Variants in SV2C observed in about 807,000 individuals in gnomAD.
The protein encoded by SV2C is solute carrier family 22 member B3.
SV2C carries 49 observed loss-of-function variants against 79.7 expected under a neutral mutation model. The ratio of observed to expected loss-of-function variants is 0.61; its 90% confidence interval spans 0.49 to 0.78. The LOEUF (loss-of-function observed/expected upper bound fraction) is 0.78, where lower values mean the gene tolerates loss of function less well. SV2C is among the 30% of genes least tolerant of loss of function. The pLI, the probability that SV2C is intolerant of heterozygous loss-of-function variation, is 0.00. For missense variants in SV2C, 833 were observed against 912.9 expected (o/e 0.91, Z 1.13); for synonymous variants, 334 against 333.2 (o/e 1.00, Z -0.03).
intron 2 of SV2C, among the ~76,000 whole-genome samples, chr5:76,176,819 TA>T (rs1178474029): frequency 6.6e-6 from 1 of 152,098 alleles, no homozygotes; most frequent in Non-Finnish European, 1.5e-5. Flanking sequence ...TGATTTTCTT[TA>T]AAACTGAAAG....
At chr5:75,935,042 T>C in the SV2C span, among the ~76,000 whole-genome samples, 2 of 152,182 alleles carry the variant, frequency 1.3e-5, no homozygotes, top group Admixed American at 1.3e-4. Flanking sequence ...GAAATGTTGC[T>C]ATTTTTAAAA....
chr5:76,234,982 A>G (rs1315439868), intron 4 of SV2C, among the ~76,000 whole-genome samples: 1 of 152,216 alleles, frequency 6.6e-6, no homozygotes. Context: ...ATCAGTTTAG[A>G]TGGAAGAACT....
the SV2C span, among the ~76,000 whole-genome samples, chr5:75,871,842 C>T: frequency 3.5e-5 from 4 of 113,494 alleles, no homozygotes; most frequent in African/African-American, 1.2e-4. Context: ...TATACACACA[C>T]ACACACACAC....
chr5:76,131,700 AGGAGGCTGTG>A lies in SV2C; in HGVS notation c.-50_-41del. The A allele has an allele frequency of 2.0e-6, 3 of 1,511,640 alleles. No individual in the cohort carries two copies. Among genetic ancestry groups the A allele is most frequent in the East Asian group, 2.3e-5 (1 of 43,962 alleles). The allele number at this position is 1,511,640 out of a possible 1,614,324, so 93.6% of individuals were successfully genotyped here. On this transcript the variant is annotated 5_prime_UTR_variant, in exon 2 of 13. Coordinates refer to ENST00000502798, the MANE Select transcript of SV2C (RefSeq NM_014979.4). ...ATGCTGTCAGAGCTGAACCACTGAA[AGGAGGCTGTG>A]AAAATTTCCCATCTTCTCATTGGCC...
At chr5:76,207,711 T>C (rs1454069805) in intron 3 of SV2C, among the ~76,000 whole-genome samples, 1 of 152,150 alleles carries the variant, frequency 6.6e-6, no homozygotes, top group Non-Finnish European at 1.5e-5. Flanking sequence ...TAAGGCTCAC[T>C]ACAGCCTCAA....
chr5:75,949,247 C>T, the SV2C span, among the ~76,000 whole-genome samples: 3 of 151,962 alleles, frequency 2.0e-5, no homozygotes, highest in African/African-American at 7.2e-5. Flanking sequence ...GAACTGTGAG[C>T]CAATTAAACC....
At chr5:76,113,305 C>G (rs1257524675) in intron 1 of SV2C, among the ~76,000 whole-genome samples, 1 of 152,196 alleles carries the variant, frequency 6.6e-6, no homozygotes, top group Non-Finnish European at 1.5e-5. Context: ...TGGGTGGCCC[C>G]AGTAAACGGA....
chr5:76,156,276 G>T (rs1055913211), intron 2 of SV2C, among the ~76,000 whole-genome samples: 8 of 152,154 alleles, frequency 5.3e-5, no homozygotes, highest in African/African-American at 1.9e-4. Context: ...TATTAGGGTA[G>T]CTGTGGACAT....
chr5:75,967,845 T>G, the SV2C span, among the ~76,000 whole-genome samples: 4 of 152,196 alleles, frequency 2.6e-5, no homozygotes, highest in African/African-American at 9.7e-5. Flanking sequence ...GCACGCAGCT[T>G]GAGATCTGAG....
At chr5:76,199,701 C>T (rs1744376835) in intron 3 of SV2C, among the ~76,000 whole-genome samples, 1 of 152,212 alleles carries the variant, frequency 6.6e-6, no homozygotes, top group Non-Finnish European at 1.5e-5. Flanking sequence ...GTCTGACTTG[C>T]AGCCATCTGT....
chr5:75,911,993 G>C, the SV2C span: 1 of 316,662 alleles, frequency 3.2e-6, no homozygotes, highest in East Asian at 8.0e-5. Context: ...AGGAATGCTG[G>C]TGCTCTCTAA....
At chr5:75,950,019 A>C in the SV2C span, among the ~76,000 whole-genome samples, 18,910 of 151,950 alleles carry the variant, frequency 0.12, 3,311 homozygotes, top group African/African-American at 0.4. Context: ...ATTAACTGAG[A>C]TGGGGAGAAC....
chr5:76,144,013 G>GC (rs145643518), intron 2 of SV2C, among the ~76,000 whole-genome samples: 64,778 of 151,910 alleles, frequency 0.43, 15,796 homozygotes, highest in Non-Finnish European at 0.56. Flanking sequence ...AAAACTTGAT[G>GC]GCCTAATTTT....
At chr5:75,848,009 A>C in the SV2C span, among the ~76,000 whole-genome samples, 1 of 152,190 alleles carries the variant, frequency 6.6e-6, no homozygotes, top group African/African-American at 2.4e-5. Context: ...AAAAAAAGTA[A>C]ACCAGAGACA....
Position 76,131,816 on chromosome 5 carries a change from GA to G in SV2C, c.68del (p.Lys23ArgfsTer5). 7 of 1,614,042 alleles carry G rather than the reference GA, an allele frequency of 4.3e-6. No individual in the cohort carries two copies. Among genetic ancestry groups the G allele is most frequent in the Non-Finnish European group, 5.9e-6 (7 of 1,179,986 alleles). On this transcript the variant is annotated frameshift_variant, in exon 2 of 13. Transcript: ENST00000502798. LOFTEE classifies it high-confidence loss of function. Reference sequence around the variant, plus strand: ...GTGCCAAGGACATTGCCAGAGAGGTGAAGAAACAAACAGTAAAGAAGGTGAA... The same window carrying G: ...GTGCCAAGGACATTGCCAGAGAGGTGAGAAACAAACAGTAAAGAAGGTGAA... ...KGAKDIAREV[K>X]KQTVKKVNQA...
At chr5:76,096,823 A>G (rs952344847) in intron 1 of SV2C, among the ~76,000 whole-genome samples, 5 of 152,210 alleles carry the variant, frequency 3.3e-5, no homozygotes, top group Admixed American at 3.3e-4. Flanking sequence ...TGATTAAAAA[A>G]GAATTCTTTC....
At chr5:75,859,576 A>T in the SV2C span, among the ~76,000 whole-genome samples, 7 of 152,114 alleles carry the variant, frequency 4.6e-5, no homozygotes, top group African/African-American at 1.7e-4. Flanking sequence ...CCTGTGTGAG[A>T]CACCCATGGG....
At chr5:76,141,698 C>T (rs1035907708) in intron 2 of SV2C, among the ~76,000 whole-genome samples, 2 of 151,506 alleles carry the variant, frequency 1.3e-5, no homozygotes, top group African/African-American at 2.4e-5. Context: ...GTGGTATGTG[C>T]CTGTAGTCCC....
the SV2C span, among the ~76,000 whole-genome samples, chr5:75,995,639 T>C: frequency 0.085 from 12,871 of 152,174 alleles, 565 homozygotes; most frequent in Middle Eastern, 0.14. Flanking sequence ...GTGTAACCTT[T>C]ATTTTCATCT....
Sources: allele counts gnomAD v4.1 joint callset (sites outside exome capture counted in the v4.1 genomes callset), GRCh38; gene constraint gnomAD v4.1.1; transcripts MANE v1.5; gene names NCBI Gene and HGNC (gene_info 2026-07-23, HGNC 2026-07-21).